The following UBE4B variants were observed in gnomAD, a reference collection of about 807,000 sequenced individuals.
UBE4B encodes the protein ubiquitin conjugation factor E4 B.
A neutral mutation model predicts 148.1 loss-of-function variants in UBE4B; 27 were observed. The observed-to-expected ratio is 0.18, with a 90% CI of 0.13 to 0.25. UBE4B has a LOEUF of 0.25. Among genes scored for constraint, UBE4B ranks in the 10% least tolerant of loss-of-function variants. The pLI, the probability that UBE4B is intolerant of heterozygous loss-of-function variation, is 1.00. For missense variants in UBE4B, 1,170 were observed against 1,662.4 expected (o/e 0.70, Z 5.15); for synonymous variants, 596 against 619.3 (o/e 0.96, Z 0.56).
intron 2 of UBE4B, chr1:10,072,475 A>G (rs1644504581): frequency 2.8e-6 from 2 of 710,702 alleles, no homozygotes; most frequent in Non-Finnish European, 5.2e-6. Context: ...ATCTCTGATG[A>G]CAAGATGATT....
Position 10,134,968 on chromosome 1 carries a change from T to C in UBE4B, c.2026-20T>C, listed in dbSNP as rs141697170. ...TTTTTTTTAATGTTTAAAAATACTT[T>C]TTCTTTTCAACTTTCACAGACAGAT... On this transcript the variant is annotated intron_variant, in intron 15 of 27. Coordinates refer to ENST00000343090, the MANE Select transcript of UBE4B (RefSeq NM_001105562.3). 3.1e-5 allele frequency: 50 copies of C among 1,609,194 alleles called. 1 individual carries two copies. In the Middle Eastern group the frequency reaches 6.7e-4, roughly 22 times the overall value.
intron 1 of UBE4B, among the ~76,000 whole-genome samples, chr1:10,071,462 C>T (rs183069717): frequency 6.6e-6 from 1 of 152,162 alleles, no homozygotes; most frequent in East Asian, 1.9e-4. Context: ...GTGGTTTGCA[C>T]CTGTAGTGTT....
chr1:10,097,464 T>C (rs1274143047), intron 3 of UBE4B, among the ~76,000 whole-genome samples: 2 of 152,246 alleles, frequency 1.3e-5, no homozygotes, highest in East Asian at 1.9e-4. Context: ...TCTCTACTGG[T>C]TTGAAAGATA....
At chr1:10,035,339 T>C (rs950799761) in intron 1 of UBE4B, among the ~76,000 whole-genome samples, 8 of 151,326 alleles carry the variant, frequency 5.3e-5, no homozygotes. Context: ...CTCCCCCGTT[T>C]TTCATTAATG....
chr1:10,062,562 C>CG (rs1223093578), intron 1 of UBE4B, among the ~76,000 whole-genome samples: 1 of 556 alleles, frequency 1.8e-3, no homozygotes, highest in Non-Finnish European at 5.5e-3. Flanking sequence ...GTCTGCCCAC[C>CG]TTGGCTCCCA....
At chr1:10,131,761 A>T (rs572871529) in intron 14 of UBE4B, among the ~76,000 whole-genome samples, 5 of 151,878 alleles carry the variant, frequency 3.3e-5, no homozygotes, top group African/African-American at 1.2e-4. Flanking sequence ...GACCAGCCTG[A>T]CCAACATGGT....
chr1:10,094,501 T>G (rs1319241935), intron 2 of UBE4B, among the ~76,000 whole-genome samples: 2 of 151,904 alleles, frequency 1.3e-5, no homozygotes, highest in Non-Finnish European at 2.9e-5. Flanking sequence ...TGGCGCAATC[T>G]TGGCTCACTG....
rs1646481135 is a variant in UBE4B, at chr1:10,179,883, T to G, written c.3848-12T>G. The G allele has an allele frequency of 6.2e-7, 1 of 1,613,698 alleles. No individual in the cohort carries two copies. Among genetic ancestry groups the G allele is most frequent in the Non-Finnish European group, 8.5e-7 (1 of 1,180,024 alleles). ...ATCTGGGGCATTAATCCTCCTTTTT[T>G]TCTTTTCTCAGTGCCAGAACTGAAA... On this transcript the variant is annotated splice_polypyrimidine_tract_variant and intron_variant, in intron 27 of 27. Transcript: ENST00000343090.
At chr1:10,152,420 T>C (rs1330110767) in intron 21 of UBE4B, among the ~76,000 whole-genome samples, 3 of 152,102 alleles carry the variant, frequency 2.0e-5, no homozygotes, top group Non-Finnish European at 4.4e-5. Context: ...TGTGCAGATT[T>C]AGTGCTATGA....
intron 17 of UBE4B, among the ~76,000 whole-genome samples, chr1:10,141,072 G>A (rs1645775422): frequency 6.6e-6 from 1 of 152,142 alleles, no homozygotes; most frequent in Non-Finnish European, 1.5e-5. Flanking sequence ...TTCTTCTCTT[G>A]CTGATCAAGC....
At chr1:10,046,828 C>T (rs1643922147) in intron 1 of UBE4B, among the ~76,000 whole-genome samples, 1 of 152,206 alleles carries the variant, frequency 6.6e-6, no homozygotes, top group Admixed American at 6.5e-5. Context: ...AATTACCAGA[C>T]TCTGAAAACT....
intron 1 of UBE4B, among the ~76,000 whole-genome samples, chr1:10,057,744 AAAAG>A (rs932204586): frequency 4.6e-5 from 7 of 152,052 alleles, no homozygotes; most frequent in South Asian, 4.2e-4. Context: ...AAAAAAAAAA[AAAAG>A]AAAGAAAAAA....
At chr1:10,175,515 G>T (rs1391085395) in intron 25 of UBE4B, among the ~76,000 whole-genome samples, 5 of 151,614 alleles carry the variant, frequency 3.3e-5, no homozygotes, top group African/African-American at 7.3e-5. Flanking sequence ...GCCAGGCGTG[G>T]TGGCGGGCGC....
chr1:10,109,878 A>C (rs917796212), intron 7 of UBE4B, among the ~76,000 whole-genome samples: 1 of 152,020 alleles, frequency 6.6e-6, no homozygotes, highest in African/African-American at 2.4e-5. Flanking sequence ...CTCAAACTCC[A>C]CACCTCAGGT....
At position 10,106,198 on chromosome 1, in the gene UBE4B, C is replaced by T. The variant is rs1391842082; in HGVS notation, c.811C>T (p.Leu271Phe). The T allele has an allele frequency of 6.3e-7, 1 of 1,582,348 alleles. No individual in the cohort carries two copies. Among genetic ancestry groups the T allele is most frequent in the African/African-American group, 1.4e-5 (1 of 73,938 alleles). ...TCCTCCCTTTCTCAACTAATTTAGCCTCTATGAAAGTAGTCCGGCTCCCAC... is the reference window on the plus strand; with the variant it reads ...TCCTCCCTTTCTCAACTAATTTAGCTTCTATGAAAGTAGTCCGGCTCCCAC... ...ASFGASSLSSLYESSPAPTPS... is the reference protein window; with the variant it reads ...ASFGASSLSSFYESSPAPTPS... The change falls in exon 7 of 28, where the codon CTC becomes TTC. Residue 271 changes from leucine to phenylalanine, a missense_variant and splice_region_variant. Transcript: ENST00000343090. This position sits in a 1 kb window ranked among gnomAD's most constrained non-coding sequence, Gnocchi z 4.2.
chr1:10,051,195 C>G (rs944054389), intron 1 of UBE4B, among the ~76,000 whole-genome samples: 2 of 152,064 alleles, frequency 1.3e-5, no homozygotes, highest in Non-Finnish European at 2.9e-5. Context: ...TTTGGAGCAA[C>G]AAATTGGATG....
chr1:10,153,113 G>A (rs775752412), intron 21 of UBE4B, among the ~76,000 whole-genome samples: 1 of 152,028 alleles, frequency 6.6e-6, no homozygotes, highest in Admixed American at 6.6e-5. Flanking sequence ...CAGTTTTCCA[G>A]TTCTCCTGCA....
At position 10,168,615 on chromosome 1, in the gene UBE4B, G is replaced by A. The variant is rs1179778362; in HGVS notation, c.3333+345G>A. Among the ~76,000 whole-genome samples the A allele has an allele frequency of 6.6e-6, 1 of 152,110 alleles. No homozygotes were observed. The highest frequency in any genetic ancestry group is 1.5e-5 in the Non-Finnish European group (1 of 68,022). On this transcript the variant is annotated intron_variant, in intron 24 of 27. Coordinates refer to ENST00000343090, the MANE Select transcript of UBE4B (RefSeq NM_001105562.3). This position sits in a 1 kb window ranked among gnomAD's most constrained non-coding sequence, Gnocchi z 4.9. ...ACTTATAGAAAAAGCATAAGGTGCC[G>A]GGTGCGGTGGCTCACGCCTGTAATC... is the stretch of plus-strand genomic sequence containing the variant.
intron 1 of UBE4B, among the ~76,000 whole-genome samples, chr1:10,058,488 A>G (rs913114617): frequency 6.6e-6 from 1 of 152,176 alleles, no homozygotes; most frequent in African/African-American, 2.4e-5. Context: ...TGCTGGAGAA[A>G]GTGCACAGGA....
Sources: gnomAD v4.1 joint callset for allele counts (sites outside exome capture counted in the v4.1 genomes callset) on GRCh38, gnomAD v4.1.1 for gene constraint, Gnocchi (gnomAD v3.1) non-coding constraint, MANE v1.5 for transcripts, NCBI Gene and HGNC (gene_info 2026-07-23, HGNC 2026-07-21) for gene names.